LARGE1: variants seen among roughly 807,000 people sequenced by gnomAD.
LARGE1 encodes the protein xylosyl- and glucuronyltransferase LARGE1.
Under a neutral mutation model 87.6 loss-of-function variants are expected in LARGE1, and 43 were observed. The observed-to-expected ratio is 0.49, with a 90% CI of 0.38 to 0.63. The LOEUF is 0.63. Among genes scored for constraint, LARGE1 ranks in the 30% least tolerant of loss-of-function variants. LARGE1 has a pLI of 0.00. For synonymous variants in LARGE1, 434 were observed against 394.6 expected (o/e 1.10, Z -1.18); for missense variants, 802 against 1,000.2 (o/e 0.80, Z 2.67).
At chr22:33,104,607 T>C in the LARGE1 span, among the ~76,000 whole-genome samples, 302 of 152,318 alleles carry the variant, frequency 2.0e-3, 6 homozygotes, top group East Asian at 0.053. Flanking sequence ...AGAGGTGCTA[T>C]AGGAAGAGTA....
intron 6 of LARGE1, among the ~76,000 whole-genome samples, chr22:33,510,565 C>T (rs2071007902): frequency 6.6e-6 from 1 of 152,116 alleles, no homozygotes; most frequent in South Asian, 2.1e-4. Flanking sequence ...AGGCTAAAAA[C>T]TGGTTTGGTG....
the LARGE1 span, among the ~76,000 whole-genome samples, chr22:33,157,125 T>C: frequency 9.2e-5 from 14 of 152,144 alleles, no homozygotes; most frequent in South Asian, 4.1e-4. Flanking sequence ...TGGACTAATA[T>C]CATAGTTAAT....
chr22:33,568,766 C>CAAAAAAAAAAAAAAAAAA (rs57651807), intron 5 of LARGE1, among the ~76,000 whole-genome samples: 1 of 92,792 alleles, frequency 1.1e-5, no homozygotes, highest in African/African-American at 3.6e-5. Flanking sequence ...AACTCAGTCT[C>CAAAAAAAAAAAAAAAAAA]AAAAAAAAAA....
intron 9 of LARGE1, among the ~76,000 whole-genome samples, chr22:33,363,118 C>A (rs2064446843): frequency 6.7e-6 from 1 of 150,110 alleles, no homozygotes; most frequent in Non-Finnish European, 1.5e-5. Context: ...GTTGACTCTC[C>A]TTTGGAGTAG....
At chr22:33,556,452 AG>A (rs2077679094) in intron 6 of LARGE1, among the ~76,000 whole-genome samples, 1 of 150,526 alleles carries the variant, frequency 6.6e-6, no homozygotes, top group Admixed American at 6.6e-5. Flanking sequence ...GAGCCTCAGA[AG>A]GTAGTAAATT....
chr22:33,589,462 A>G (rs893922388), intron 5 of LARGE1, among the ~76,000 whole-genome samples: 3 of 149,022 alleles, frequency 2.0e-5, no homozygotes, highest in African/African-American at 7.6e-5. Flanking sequence ...GAGGTTTGCC[A>G]TCTTCTTATA....
At chr22:33,448,061 A>C (rs192845713) in intron 6 of LARGE1, among the ~76,000 whole-genome samples, 2 of 152,102 alleles carry the variant, frequency 1.3e-5, no homozygotes, top group Non-Finnish European at 2.9e-5. Flanking sequence ...TCACGGAGAC[A>C]GAGAGCAGAT....
chr22:33,819,664 C>A (rs970478258), intron 1 of LARGE1, among the ~76,000 whole-genome samples: 5 of 152,288 alleles, frequency 3.3e-5, no homozygotes, highest in Non-Finnish European at 5.9e-5. Flanking sequence ...CTCATTTAAT[C>A]CCCACCTCCT....
intron 6 of LARGE1, among the ~76,000 whole-genome samples, chr22:33,458,247 A>C (rs1343493257): frequency 6.7e-6 from 1 of 150,334 alleles, no homozygotes; most frequent in Non-Finnish European, 1.5e-5. Context: ...CTGGGACTAC[A>C]GGTGCTGCCA....
At chr22:33,456,377 T>C (rs979514100) in intron 6 of LARGE1, among the ~76,000 whole-genome samples, 6 of 152,208 alleles carry the variant, frequency 3.9e-5, no homozygotes, top group African/African-American at 1.4e-4. Flanking sequence ...TCCCCAATTT[T>C]GGGTACTGTG....
chr22:33,843,470 A>AATAAATAAATAAATAAATAT (rs1555883350), intron 1 of LARGE1, among the ~76,000 whole-genome samples: 1 of 146,964 alleles, frequency 6.8e-6, no homozygotes, highest in South Asian at 2.2e-4. Flanking sequence ...TAAATAAATA[A>AATAAATAAATAAATAAATAT]AAATAAAAAA....
At chr22:33,401,458 G>A (rs1268885301) in intron 7 of LARGE1, among the ~76,000 whole-genome samples, 1 of 151,980 alleles carries the variant, frequency 6.6e-6, no homozygotes, top group African/African-American at 2.4e-5. Context: ...GGAGAGGCCA[G>A]CCCATTAGTC....
chr22:33,305,379 T>C (rs111253775), intron 11 of LARGE1, among the ~76,000 whole-genome samples: 11,928 of 116,164 alleles, frequency 0.1, 547 homozygotes, highest in South Asian at 0.19. Flanking sequence ...AAAAAAAAGG[T>C]GTGTGTGGAG....
intron 1 of LARGE1, among the ~76,000 whole-genome samples, chr22:33,838,644 ATAAT>A (rs2063180067): frequency 6.6e-6 from 1 of 152,176 alleles, no homozygotes. Context: ...AAATAAATAA[ATAAT>A]TGTCCTTTAG....
chr22:33,097,446 G>A, the LARGE1 span, among the ~76,000 whole-genome samples: 40,052 of 152,022 alleles, frequency 0.26, 5,940 homozygotes, highest in Non-Finnish European at 0.34. Flanking sequence ...ATAAACAGCC[G>A]TAAGGTGCAC....
At chr22:33,506,904 C>A (rs2070791813) in intron 6 of LARGE1, among the ~76,000 whole-genome samples, 1 of 151,948 alleles carries the variant, frequency 6.6e-6, no homozygotes, top group Non-Finnish European at 1.5e-5. Flanking sequence ...CTGTCTCAAA[C>A]AAACAAAAAA....
chr22:33,701,444 A>AAGAC (rs2082401566), intron 2 of LARGE1, among the ~76,000 whole-genome samples: 1 of 152,204 alleles, frequency 6.6e-6, no homozygotes, highest in Non-Finnish European at 1.5e-5. Context: ...AGGGACTTTT[A>AAGAC]TGTCTCTCTC....
At chr22:33,659,609 T>C (rs2081062383) in intron 2 of LARGE1, among the ~76,000 whole-genome samples, 1 of 152,150 alleles carries the variant, frequency 6.6e-6, no homozygotes, top group South Asian at 2.1e-4. Flanking sequence ...TCGCTTTTTA[T>C]GAGGTACACA....
At chr22:33,674,126 G>A (rs759613726) in intron 2 of LARGE1, among the ~76,000 whole-genome samples, 1 of 148,914 alleles carries the variant, frequency 6.7e-6, no homozygotes, top group African/African-American at 2.5e-5. Context: ...TTTATTTTTA[G>A]TAGAGACGGG....
Sources: allele counts gnomAD v4.1 joint callset (sites outside exome capture counted in the v4.1 genomes callset), GRCh38; gene constraint gnomAD v4.1.1; transcripts MANE v1.5; gene names NCBI Gene and HGNC (gene_info 2026-07-23, HGNC 2026-07-21).